Variants in RREB1 observed in about 807,000 individuals in gnomAD.
RREB1 encodes ras responsive element binding protein 1, also known as ras-responsive element-binding protein 1.
RREB1 carries 27 observed loss-of-function variants against 117.8 expected under a neutral mutation model. The ratio of observed to expected loss-of-function variants is 0.23; its 90% CI spans 0.17 to 0.32. The LOEUF is 0.32. Ranked by LOEUF, RREB1 falls within the 10% of genes least tolerant of loss-of-function variation. The probability of loss-of-function intolerance (pLI) is 1.00; values close to 1 mark genes in which losing one functional copy is unlikely to be tolerated. For synonymous variants in RREB1, 1,298 were observed against 1,026.7 expected (o/e 1.26, Z -5.05); for missense variants, 2,577 against 2,378.2 (o/e 1.08, Z -1.74).
chr6:7,220,012 C>T (rs1158804468), intron 8 of RREB1, among the ~76,000 whole-genome samples: 7 of 152,174 alleles, frequency 4.6e-5, no homozygotes. Context: ...ATTCCACACA[C>T]CCCAACACCA....
chr6:7,110,983 A>G (rs77607251), intron 1 of RREB1, among the ~76,000 whole-genome samples: 2,318 of 152,252 alleles, frequency 0.015, 64 homozygotes, highest in African/African-American at 0.053. Context: ...TGGTACAGGT[A>G]GTGCATCCAT....
At chr6:7,184,329 C>G (rs1292154131) in intron 4 of RREB1, among the ~76,000 whole-genome samples, 1 of 149,944 alleles carries the variant, frequency 6.7e-6, no homozygotes, top group Non-Finnish European at 1.5e-5. Flanking sequence ...ATTTCTCAAC[C>G]AGAGCATGGT....
chr6:7,210,056 T>C (rs1581541605), intron 6 of RREB1, among the ~76,000 whole-genome samples: 1 of 152,262 alleles, frequency 6.6e-6, no homozygotes, highest in East Asian at 1.9e-4. Flanking sequence ...AGAATGTTTG[T>C]TTTAGAACTC....
intron 8 of RREB1, among the ~76,000 whole-genome samples, 190 bp from the exon 9 acceptor site, chr6:7,226,277 A>G (rs972804823): frequency 6.6e-6 from 1 of 152,196 alleles, no homozygotes; most frequent in African/African-American, 2.4e-5. Context: ...ATAGAATACA[A>G]CTTTTTTAAA....
intron 1 of RREB1, among the ~76,000 whole-genome samples, chr6:7,121,463 C>T (rs1761675777): frequency 6.6e-6 from 1 of 152,138 alleles, no homozygotes; most frequent in Non-Finnish European, 1.5e-5. Context: ...ACATAAAGTA[C>T]CTCAGTGGTC....
rs1335408386 is a variant in RREB1 at position 7,230,015 on chromosome 6, G to A, written c.1916G>A (p.Arg639His). ...GGCGGCAAGAAGACGCCCGCCATGC[G>A]CAAGGTGCTCTACCCCTGCCGCTTC... ...APGGKKTPAM[R>H]KVLYPCRFCN... Residue 639 changes from arginine to histidine, a missense_variant, in exon 10 of 13, where the codon CGC (arginine) becomes CAC (histidine). Coordinates refer to ENST00000379938, the MANE Select transcript of RREB1 (RefSeq NM_001003699.4). The A allele has an allele frequency of 3.1e-6, 5 of 1,610,264 alleles. No homozygotes were observed. Among genetic ancestry groups the A allele is most frequent in the South Asian group, 1.1e-5 (1 of 90,944 alleles).
At chr6:7,221,296 G>A (rs1323570707) in intron 8 of RREB1, among the ~76,000 whole-genome samples, 1 of 151,984 alleles carries the variant, frequency 6.6e-6, no homozygotes, top group Admixed American at 6.5e-5. Flanking sequence ...AGCCTCCCGA[G>A]TAGCTGGGAC....
At chr6:7,118,022 G>C (rs909044517) in intron 1 of RREB1, among the ~76,000 whole-genome samples, 1 of 152,202 alleles carries the variant, frequency 6.6e-6, no homozygotes, top group African/African-American at 2.4e-5. Context: ...GCTAACTAGA[G>C]TTTAGGCTCA....
intron 1 of RREB1, among the ~76,000 whole-genome samples, chr6:7,162,348 C>T (rs1763713828): frequency 6.6e-6 from 1 of 152,114 alleles, no homozygotes; most frequent in Non-Finnish European, 1.5e-5. Flanking sequence ...ACTGTGTTAA[C>T]AGCTTTCTGC....
At chr6:7,129,522 A>T (rs1762068597) in intron 1 of RREB1, among the ~76,000 whole-genome samples, 1 of 152,178 alleles carries the variant, frequency 6.6e-6, no homozygotes, top group Non-Finnish European at 1.5e-5. Context: ...TGAGGCAGAG[A>T]GTGCCTCCCA....
chr6:7,231,778 C>T lies in RREB1; in HGVS notation c.3679C>T (p.Pro1227Ser). Reference sequence around the variant, plus strand: ...CAGTGATGAAGAGCAGGGCAGTCCCCCAGAAGACAAGCTGCTGAGGGCCAA... The same window carrying T: ...CAGTGATGAAGAGCAGGGCAGTCCCTCAGAAGACAAGCTGCTGAGGGCCAA... ...GPSDEEQGSP[P>S]EDKLLRAKRN... is the part of the protein sequence containing the mutation. The change falls in exon 10 of 13, where the codon CCA (proline) becomes TCA (serine). Residue 1227 changes from proline (P) to serine (S), a missense_variant. Pro to Ser is a moderately conservative substitution (Grantham distance 74). Transcript: ENST00000379938. 1 of 1,613,802 alleles carries T rather than the reference C, an allele frequency of 6.2e-7. No individual in the cohort carries two copies.
At chr6:7,190,877 C>A (rs1765367625) in intron 6 of RREB1, among the ~76,000 whole-genome samples, 1 of 152,148 alleles carries the variant, frequency 6.6e-6, no homozygotes, top group Admixed American at 6.5e-5. Flanking sequence ...TCACTTTTTC[C>A]TGCTGAGCCT....
chr6:7,230,936 G>T lies in RREB1; in HGVS notation c.2837G>T (p.Gly946Val), dbSNP rs186299112. 1 of 1,614,012 alleles carries T rather than the reference G, an allele frequency of 6.2e-7. No homozygotes were observed. The highest frequency in any genetic ancestry group is 8.5e-7 in the Non-Finnish European group (1 of 1,179,928). ...TCCATCCCCAAGAACTTCAGGAAAG[G>T]GGACAAGGATTTGGCCACTCCCAGC... ...DLSIPKNFRKGDKDLATPSEA... is the reference protein window; with the variant it reads ...DLSIPKNFRKVDKDLATPSEA... Residue 946 changes from glycine (G) to valine (V), a missense_variant, in exon 10 of 13, where the codon GGG (glycine) becomes GTG (valine). Transcript: ENST00000379938.
intron 10 of RREB1, among the ~76,000 whole-genome samples, chr6:7,233,319 C>T (rs916097542): frequency 4.6e-5 from 7 of 152,198 alleles, no homozygotes; most frequent in Non-Finnish European, 1.5e-5. Context: ...GGCCATACAA[C>T]TCTCATCTGA....
chr6:7,175,278 C>G (rs1764443609), intron 1 of RREB1, among the ~76,000 whole-genome samples: 1 of 148,544 alleles, frequency 6.7e-6, no homozygotes, highest in African/African-American at 2.5e-5. Flanking sequence ...TCTTACCCTG[C>G]TGTCCCTGGG....
chr6:7,194,714 T>C (rs563548462), intron 6 of RREB1, among the ~76,000 whole-genome samples: 2 of 152,322 alleles, frequency 1.3e-5, no homozygotes, highest in South Asian at 4.1e-4. Flanking sequence ...ACAGAATGGC[T>C]TAGTATTACC....
At chr6:7,164,285 C>T (rs549064750) in intron 1 of RREB1, among the ~76,000 whole-genome samples, 2 of 152,306 alleles carry the variant, frequency 1.3e-5, no homozygotes, top group East Asian at 3.9e-4. Context: ...TCATCAATCC[C>T]CACTGCCCAT....
At position 7,113,510 on chromosome 6, in the gene RREB1, A is replaced by G. The variant is rs559386757; in HGVS notation, c.-285+5450A>G. ...GGCCTTTAGCAAAGATTCCACGTTC[A>G]TGCTGAGAGGAACACTGTGGGAGTT... On this transcript the variant is annotated intron_variant, in intron 1 of 12. Coordinates refer to ENST00000379938, the MANE Select transcript of RREB1 (RefSeq NM_001003699.4). Among the ~76,000 whole-genome samples, 11 of 152,256 alleles carry G rather than the reference A, an allele frequency of 7.2e-5. No homozygotes were observed. The East Asian group carries it at 2.1e-3, about 29-fold the overall frequency.
intron 1 of RREB1, among the ~76,000 whole-genome samples, chr6:7,165,341 TAAAAG>T (rs764151605): frequency 6.6e-6 from 1 of 152,196 alleles, no homozygotes; most frequent in South Asian, 2.1e-4. Context: ...TAAGGGAAGA[TAAAAG>T]GAAAGAGTAG....
Sources: gnomAD v4.1 joint callset for allele counts (sites outside exome capture counted in the v4.1 genomes callset) on GRCh38, gnomAD v4.1.1 for gene constraint, MANE v1.5 for transcripts, NCBI Gene and HGNC (gene_info 2026-07-23, HGNC 2026-07-21) for gene names.